Variants in SIL1 observed in about 807,000 individuals in gnomAD.
The protein encoded by SIL1 is SIL1 nucleotide exchange factor.
Under a neutral mutation model 49.1 loss-of-function variants are expected in SIL1, and 40 were observed. That is an observed-to-expected ratio of 0.81 (90% CI 0.63 to 1.06). The LOEUF (loss-of-function observed/expected upper bound fraction) is 1.06, where lower values mean the gene tolerates loss of function less well. Among genes scored for constraint, SIL1 ranks in the 50% least tolerant of loss-of-function variants. The pLI is 0.00. For missense variants in SIL1, 500 were observed against 572.6 expected (o/e 0.87, Z 1.29); for synonymous variants, 253 against 250.8 (o/e 1.01, Z -0.08).
intron 1 of SIL1, among the ~76,000 whole-genome samples, chr5:139,171,048 C>T (rs1277750048): frequency 1.3e-5 from 2 of 149,208 alleles, no homozygotes; most frequent in African/African-American, 4.9e-5. Flanking sequence ...CCCCTCTGCC[C>T]GGCCAGCTGC....
intron 1 of SIL1, among the ~76,000 whole-genome samples, chr5:139,162,913 A>C (rs1178595296): frequency 1.3e-5 from 2 of 152,138 alleles, no homozygotes; most frequent in African/African-American, 4.8e-5. Context: ...TATACCAGAT[A>C]AAAGGAAGAG....
chr5:139,011,604 G>A (rs1768273512), intron 7 of SIL1, among the ~76,000 whole-genome samples: 1 of 152,142 alleles, frequency 6.6e-6, no homozygotes, highest in African/African-American at 2.4e-5. Flanking sequence ...AAAGTGCTGT[G>A]ATTACAAGTG....
At chr5:139,056,839 G>A (rs866641645) in intron 3 of SIL1, among the ~76,000 whole-genome samples, 3,235 of 152,006 alleles carry the variant, frequency 0.021, 94 homozygotes, top group African/African-American at 0.074. Flanking sequence ...CATTGAGAAC[G>A]GGCCATGATG....
intron 7 of SIL1, among the ~76,000 whole-genome samples, chr5:138,962,425 C>A (rs1767041785): frequency 6.6e-6 from 1 of 151,964 alleles, no homozygotes; most frequent in African/African-American, 2.4e-5. Context: ...AGCTGTGTGA[C>A]TGAGGTAAGT....
chr5:138,998,513 G>C (rs1401492999), intron 7 of SIL1, among the ~76,000 whole-genome samples: 1 of 152,070 alleles, frequency 6.6e-6, no homozygotes, highest in African/African-American at 2.4e-5. Flanking sequence ...TTTGGCTCAT[G>C]GTACTCCAAG....
chr5:139,094,031 G>A (rs183935290), intron 3 of SIL1: 19 of 152,256 alleles, frequency 1.2e-4, no homozygotes, highest in African/African-American at 2.2e-4. Flanking sequence ...CACCTGCAGC[G>A]GAAACAATTT....
At chr5:139,183,264 T>A (rs1408431237) in intron 1 of SIL1, among the ~76,000 whole-genome samples, 1 of 152,220 alleles carries the variant, frequency 6.6e-6, no homozygotes, top group Non-Finnish European at 1.5e-5. Flanking sequence ...CCCTACTCCA[T>A]GCTATGTCAG....
intron 1 of SIL1, among the ~76,000 whole-genome samples, chr5:139,194,698 G>A (rs1752232636): frequency 1.3e-5 from 2 of 152,152 alleles, no homozygotes; most frequent in African/African-American, 4.8e-5. Context: ...AAAATCCCTA[G>A]GAATAGCGAC....
In SIL1 at chr5:139,021,381, CA is replaced by C. The variant is rs373667352; in HGVS notation, c.646-90del. 3.7e-4 allele frequency: 580 copies of C among 1,554,310 alleles called. 4 individuals carry two copies. The East Asian group carries it at 9.4e-3, about 25-fold the overall frequency. ...CTTTCTTTTGGTGACTACCCAAAAA[CA>C]AATTAAAAAGCCATGGAAAAATCAA... is the stretch of plus-strand genomic sequence containing the variant. On this transcript the variant is annotated intron_variant, in intron 6 of 9. Transcript: ENST00000394817.
At chr5:139,096,748 G>GC (rs982974548) in intron 3 of SIL1, among the ~76,000 whole-genome samples, 2 of 151,900 alleles carry the variant, frequency 1.3e-5, no homozygotes, top group Non-Finnish European at 1.5e-5. Flanking sequence ...CCCAGTCCTG[G>GC]CAGCATTCGT....
At chr5:138,961,043 T>C (rs78020831) in intron 7 of SIL1, among the ~76,000 whole-genome samples, 2,538 of 152,252 alleles carry the variant, frequency 0.017, 64 homozygotes, top group African/African-American at 0.058. Context: ...TATGGAGGGA[T>C]GGGGGAGGGA....
chr5:139,174,915 A>AT (rs1348157129), intron 1 of SIL1, among the ~76,000 whole-genome samples: 1 of 133,950 alleles, frequency 7.5e-6, no homozygotes, highest in African/African-American at 2.7e-5. Context: ...TCCAGCCTGG[A>AT]TGACAGAGTA....
intron 1 of SIL1, among the ~76,000 whole-genome samples, chr5:139,162,559 G>A (rs756807332): frequency 2.8e-4 from 42 of 152,176 alleles, no homozygotes; most frequent in Non-Finnish European, 5.0e-4. Context: ...GGGAGTGGAG[G>A]AGCACAATAG....
intron 7 of SIL1, among the ~76,000 whole-genome samples, chr5:139,013,149 T>C (rs1003933811): frequency 2.6e-5 from 4 of 152,210 alleles, no homozygotes; most frequent in African/African-American, 4.8e-5. Context: ...TATTATATCA[T>C]TGAACCTATC....
intron 7 of SIL1, among the ~76,000 whole-genome samples, chr5:138,964,284 G>A (rs549056125): frequency 6.6e-5 from 10 of 152,216 alleles, no homozygotes; most frequent in African/African-American, 9.6e-5. Context: ...AGCAAAGAAC[G>A]AACATAGTTC....
intron 1 of SIL1, among the ~76,000 whole-genome samples, chr5:139,176,547 C>T (rs556312008): frequency 1.3e-5 from 2 of 152,294 alleles, no homozygotes; most frequent in South Asian, 4.1e-4. Flanking sequence ...TTATATATAA[C>T]AGAAATTTAT....
chr5:139,160,058 C>A (rs1388928041), intron 1 of SIL1, among the ~76,000 whole-genome samples: 2 of 151,826 alleles, frequency 1.3e-5, no homozygotes, highest in Non-Finnish European at 2.9e-5. Context: ...GGTACCATTA[C>A]ATGACACAGA....
At chr5:138,980,736 T>C (rs1275691867) in intron 7 of SIL1, among the ~76,000 whole-genome samples, 1 of 151,786 alleles carries the variant, frequency 6.6e-6, no homozygotes, top group East Asian at 1.9e-4. Context: ...AAAGAAAGGG[T>C]GGTATCTATT....
intron 1 of SIL1, among the ~76,000 whole-genome samples, chr5:139,143,320 CACACACACACACACACACACACACAT>C (rs1561878673): frequency 1.3e-5 from 1 of 76,226 alleles, no homozygotes; most frequent in Non-Finnish European, 3.0e-5. Context: ...CACACACACA[CACACACACACACACACACACACACAT>C]ATATATATAT....
Sources: gnomAD v4.1 joint callset for allele counts (sites outside exome capture counted in the v4.1 genomes callset) on GRCh38, gnomAD v4.1.1 for gene constraint, MANE v1.5 for transcripts, NCBI Gene and HGNC (gene_info 2026-07-23, HGNC 2026-07-21) for gene names.